PEAK1: variants seen among roughly 807,000 people sequenced by gnomAD.
PEAK1 encodes inactive tyrosine-protein kinase PEAK1.
A neutral mutation model predicts 124.7 loss-of-function variants in PEAK1; 54 were observed. That is an observed-to-expected ratio of 0.43 (90% confidence interval 0.35 to 0.54). The LOEUF (loss-of-function observed/expected upper bound fraction) is 0.54. PEAK1 is among the 20% of genes least tolerant of loss of function. The probability of loss-of-function intolerance (pLI) is 0.01; values close to 1 mark genes in which losing one functional copy is unlikely to be tolerated. For missense variants in PEAK1, 2,046 were observed against 2,134.5 expected (o/e 0.96, Z 0.82); for synonymous variants, 719 against 760.0 (o/e 0.95, Z 0.89).
intron 1 of PEAK1, chr15:77,418,267 A>G: frequency 1.0e-6 from 1 of 985,404 alleles, no homozygotes; most frequent in East Asian, 1.1e-4. Flanking sequence ...TTTAGCCTCT[A>G]AGTTGGGACA....
intron 2 of PEAK1, chr15:77,333,875 T>C (rs1229100741): frequency 3.9e-6 from 2 of 514,534 alleles, no homozygotes; most frequent in Non-Finnish European, 5.0e-6. Context: ...AAAAATTTTC[T>C]TTTAAACTTA....
intron 2 of PEAK1, among the ~76,000 whole-genome samples, chr15:77,351,452 T>C (rs111991246): frequency 0.023 from 3,442 of 152,252 alleles, 143 homozygotes; most frequent in African/African-American, 0.079. Context: ...TCAGCTATAA[T>C]AGGAAATATC....
chr15:77,350,942 A>T, intron 2 of PEAK1: 1 of 985,242 alleles, frequency 1.0e-6, no homozygotes, highest in South Asian at 4.7e-5. Context: ...CATGTAAAGC[A>T]CTCCATTAAT....
At chr15:77,132,540 T>A (rs963423629) in intron 9 of PEAK1, among the ~76,000 whole-genome samples, 5 of 151,758 alleles carry the variant, frequency 3.3e-5, no homozygotes, top group African/African-American at 1.2e-4. Flanking sequence ...ACTAAAAATA[T>A]AAAAATTAGC....
intron 6 of PEAK1, among the ~76,000 whole-genome samples, chr15:77,186,530 C>G (rs959841168): frequency 2.0e-5 from 3 of 152,120 alleles, no homozygotes; most frequent in Non-Finnish European, 4.4e-5. Flanking sequence ...AAGTTTGTGT[C>G]CATCTGTATT....
chr15:77,326,897 GA>G (rs1330041768), intron 2 of PEAK1, among the ~76,000 whole-genome samples: 1 of 152,044 alleles, frequency 6.6e-6, no homozygotes, highest in Non-Finnish European at 1.5e-5. Flanking sequence ...AAAATCTTCA[GA>G]AATTAAGTTT....
At chr15:77,379,637 A>G (rs1042121967) in intron 1 of PEAK1, among the ~76,000 whole-genome samples, 1 of 152,132 alleles carries the variant, frequency 6.6e-6, no homozygotes, top group African/African-American at 2.4e-5. Context: ...GTTCACTGCC[A>G]ACCCAAGGGC....
chr15:77,222,804 G>C (rs1012449755), intron 6 of PEAK1, among the ~76,000 whole-genome samples: 3 of 151,966 alleles, frequency 2.0e-5, no homozygotes, highest in African/African-American at 7.2e-5. Flanking sequence ...GCCATAGAAA[G>C]CATAGCATTA....
chr15:77,323,127 G>A (rs1265354527), intron 2 of PEAK1, among the ~76,000 whole-genome samples: 47 of 152,178 alleles, frequency 3.1e-4, no homozygotes, highest in South Asian at 1.2e-3. Context: ...TTGATGGGAC[G>A]TATCTCAAAA....
intron 8 of PEAK1, chr15:77,156,525 G>C (rs900005336): frequency 1.3e-5 from 2 of 153,410 alleles, no homozygotes; most frequent in African/African-American, 4.8e-5. Context: ...CCACTGTCTG[G>C]CACTCCCTAG....
At chr15:77,147,834 T>A (rs1229369862) in intron 8 of PEAK1, among the ~76,000 whole-genome samples, 1 of 152,194 alleles carries the variant, frequency 6.6e-6, no homozygotes, top group Non-Finnish European at 1.5e-5. Context: ...AATAACACAT[T>A]CTTTAAAGCA....
At chr15:77,302,995 C>A (rs536292619) in intron 2 of PEAK1, among the ~76,000 whole-genome samples, 1 of 152,276 alleles carries the variant, frequency 6.6e-6, no homozygotes, top group East Asian at 1.9e-4. Context: ...TTGCCTTTAC[C>A]AGAATGTCAT....
chr15:77,187,239 G>C (rs1420175806), intron 6 of PEAK1, among the ~76,000 whole-genome samples: 1 of 152,148 alleles, frequency 6.6e-6, no homozygotes, highest in Non-Finnish European at 1.5e-5. Flanking sequence ...TTTCATATTT[G>C]ACAGTTTTCA....
chr15:77,176,405 C>A (rs2056881464), intron 7 of PEAK1, among the ~76,000 whole-genome samples: 1 of 151,894 alleles, frequency 6.6e-6, no homozygotes, highest in Non-Finnish European at 1.5e-5. Flanking sequence ...GTGAGACCAG[C>A]AGTTCTAAGT....
At chr15:77,194,633 C>T (rs2152837597) in intron 6 of PEAK1, among the ~76,000 whole-genome samples, 1 of 152,314 alleles carries the variant, frequency 6.6e-6, no homozygotes, top group South Asian at 2.1e-4. Context: ...CCGACCCCCA[C>T]TAGTCTTAGC....
Position 77,181,837 on chromosome 15 carries a change from G to T in PEAK1, c.90C>A (p.Pro30=). Residue 30 remains proline, a synonymous_variant, in exon 7 of 10, where the codon CCC becomes CCA. Transcript: ENST00000682557. ...TGATGGGTGCCTTCTCAGGGTCTGG[G>T]GGAAGCTGGTGCAAACTTTTAGGTT... ...CFKPKSLHQL[P]PDPEKAPITH... 1 of 1,613,676 alleles carries T rather than the reference G, an allele frequency of 6.2e-7. No individual in the cohort carries two copies. The highest frequency in any genetic ancestry group is 8.5e-7 in the Non-Finnish European group (1 of 1,179,686).
At chr15:77,392,164 A>C (rs2070518681) in intron 1 of PEAK1, among the ~76,000 whole-genome samples, 1 of 152,228 alleles carries the variant, frequency 6.6e-6, no homozygotes, top group Non-Finnish European at 1.5e-5. Flanking sequence ...GTCACAAAGA[A>C]GGCATGCAGA....
At chr15:77,404,348 A>G in intron 1 of PEAK1, 1 of 984,540 alleles carries the variant, frequency 1.0e-6, no homozygotes, top group African/African-American at 1.7e-5. Context: ...AATACTAGCC[A>G]CCTGTGGCTA....
At chr15:77,397,515 T>C (rs28814387) in intron 1 of PEAK1, among the ~76,000 whole-genome samples, 1 of 151,272 alleles carries the variant, frequency 6.6e-6, no homozygotes, top group African/African-American at 2.4e-5. Context: ...GTTGGTTTTT[T>C]CAAAACATAA....
Sources: allele counts gnomAD v4.1 joint callset (sites outside exome capture counted in the v4.1 genomes callset), GRCh38; gene constraint gnomAD v4.1.1; transcripts MANE v1.5; gene names NCBI Gene and HGNC (gene_info 2026-07-23, HGNC 2026-07-21).